The following EPHA7 variants were observed in gnomAD, a reference collection of about 807,000 sequenced individuals.
The protein encoded by EPHA7 is EPH receptor A7.
EPHA7 carries 25 observed loss-of-function variants against 112.6 expected under a neutral mutation model. The ratio of observed to expected loss-of-function variants is 0.22; its 90% confidence interval spans 0.16 to 0.31. EPHA7 has a LOEUF of 0.31. Ranked by LOEUF, EPHA7 falls within the 10% of genes least tolerant of loss-of-function variation. The pLI, the probability that EPHA7 is intolerant of heterozygous loss-of-function variation, is 1.00. For synonymous variants in EPHA7, 437 were observed against 406.5 expected (o/e 1.07, Z -0.90); for missense variants, 962 against 1,212.6 (o/e 0.79, Z 3.07).
intron 4 of EPHA7, 54 bp from the exon 5 acceptor site, chr6:93,357,106 A>G: frequency 7.2e-7 from 1 of 1,384,814 alleles, no homozygotes; most frequent in African/African-American, 1.4e-5. Flanking sequence ...AAAAAAACAT[A>G]CAAACAAAAA....
At chr6:93,310,562 G>A (rs547889095) in intron 5 of EPHA7, among the ~76,000 whole-genome samples, 2 of 151,982 alleles carry the variant, frequency 1.3e-5, no homozygotes, top group Non-Finnish European at 2.9e-5. Context: ...CTACTTGGGA[G>A]GCTGAGGCAG....
At chr6:93,385,290 A>G (rs181254612) in intron 3 of EPHA7, among the ~76,000 whole-genome samples, 26 of 152,246 alleles carry the variant, frequency 1.7e-4, no homozygotes, top group Admixed American at 1.0e-3. Flanking sequence ...ATGTGTACGC[A>G]TATGAATATA....
rs555490010 is a variant in EPHA7 at position 93,376,416 on chromosome 6, C to T, written c.833-18005G>A. 2.8e-3 allele frequency among the ~76,000 whole-genome samples: 428 copies of T among 152,232 alleles called. 2 individuals carry two copies. The highest frequency in any genetic ancestry group is 9.8e-3 in the African/African-American group (406 of 41,546). On this transcript the variant is annotated intron_variant, in intron 3 of 16. Transcript: ENST00000369303. ...TTGGCCTCTCAAAGTGCTGGAATTA[C>T]AGGCATAAGTCACCACGCCTGGTCC...
intron 3 of EPHA7, among the ~76,000 whole-genome samples, chr6:93,368,657 A>G: frequency 6.6e-6 from 1 of 152,158 alleles, no homozygotes. Flanking sequence ...ATCCACAGCT[A>G]AAAAGAAGAT....
intron 5 of EPHA7, among the ~76,000 whole-genome samples, chr6:93,275,193 C>A (rs1433991133): frequency 6.6e-6 from 1 of 151,452 alleles, no homozygotes; most frequent in African/African-American, 2.4e-5. Context: ...GCTTCAAGAA[C>A]CAATTTGGTG....
Position 93,411,171 on chromosome 6 carries a change from CTGT to C in EPHA7, c.163-4_163-2del, listed in dbSNP as rs1199861512. The C allele has an allele frequency of 6.3e-7, 1 of 1,597,076 alleles. No homozygotes were observed. The highest frequency in any genetic ancestry group is 8.5e-7 in the Non-Finnish European group (1 of 1,171,594). ...CATCCAAACCACTAATTTCTTCCCA[CTGT>C]AAAATTTGAAAAAAGGTCATCAGTC... On this transcript the variant is annotated splice_acceptor_variant and splice_polypyrimidine_tract_variant and intron_variant, in intron 2 of 16. Coordinates refer to ENST00000369303, the MANE Select transcript of EPHA7 (RefSeq NM_004440.4). LOFTEE classifies it high-confidence loss of function.
chr6:93,246,026 C>CT, intron 15 of EPHA7, among the ~76,000 whole-genome samples: 1 of 152,058 alleles, frequency 6.6e-6, no homozygotes, highest in East Asian at 1.9e-4. Context: ...GAGTACACCT[C>CT]TTTAATCATG....
intron 3 of EPHA7, among the ~76,000 whole-genome samples, chr6:93,400,740 G>A (rs1307959982): frequency 1.3e-5 from 2 of 151,910 alleles, no homozygotes; most frequent in Non-Finnish European, 2.9e-5. Context: ...GTCTCACTAC[G>A]TTGCTCAGGC....
At position 93,384,626 on chromosome 6, in the gene EPHA7, G is replaced by A. The variant is rs1777508857; in HGVS notation, c.832+25875C>T. Among the ~76,000 whole-genome samples, 4 of 152,202 alleles carry A rather than the reference G, an allele frequency of 2.6e-5. No homozygotes were observed. The South Asian group carries it at 8.3e-4, about 32-fold the overall frequency. On this transcript the variant is annotated intron_variant, in intron 3 of 16. Coordinates refer to ENST00000369303, the MANE Select transcript of EPHA7 (RefSeq NM_004440.4). ...CCCACTTTTGTTCATCATGCTCACT[G>A]TGCCTAGAAGTGCCCTCACAGGATC...
chr6:93,298,004 T>A (rs551364111), intron 5 of EPHA7, among the ~76,000 whole-genome samples: 1 of 152,272 alleles, frequency 6.6e-6, no homozygotes, highest in African/African-American at 2.4e-5. Context: ...AAGTATCATT[T>A]CAGAGATTCT....
intron 5 of EPHA7, among the ~76,000 whole-genome samples, chr6:93,330,168 A>G (rs1774522113): frequency 6.6e-6 from 1 of 151,280 alleles, no homozygotes; most frequent in South Asian, 2.1e-4. Flanking sequence ...ATTGACACAT[A>G]ATAATTTTAC....
Position 93,331,878 on chromosome 6 carries a change from T to C in EPHA7, c.1324+24839A>G, listed in dbSNP as rs185819839. Among the ~76,000 whole-genome samples, 29 of 151,776 alleles carry C rather than the reference T, an allele frequency of 1.9e-4. No individual in the cohort carries two copies. In the East Asian group the frequency reaches 5.6e-3, roughly 29 times the overall value. ...CATCCACAAGCAAAGGCTGAATTAA[T>C]AGGCTTTCATTATATAACTCTGCTT... On this transcript the variant is annotated intron_variant, in intron 5 of 16. Transcript: ENST00000369303.
intron 5 of EPHA7, among the ~76,000 whole-genome samples, chr6:93,274,409 AATTAC>A (rs1252684570): frequency 6.6e-6 from 1 of 151,916 alleles, no homozygotes; most frequent in Non-Finnish European, 1.5e-5. Context: ...TATACACTAA[AATTAC>A]ATTCATTATT....
intron 8 of EPHA7, among the ~76,000 whole-genome samples, 167 bp from the exon 9 acceptor site, chr6:93,264,082 A>C (rs989585104): frequency 4.2e-4 from 63 of 151,728 alleles, no homozygotes; most frequent in African/African-American, 1.5e-3. Flanking sequence ...AATTGCAAAG[A>C]AAACAAACTT....
At chr6:93,259,597 T>C (rs1379855864) in intron 9 of EPHA7, 118 bp from the exon 10 acceptor site, 4 of 1,207,472 alleles carry the variant, frequency 3.3e-6, no homozygotes, top group Non-Finnish European at 4.7e-6. Flanking sequence ...CCACATCACC[T>C]GATTCACAGC....
At chr6:93,417,262 T>C (rs1171742767) in intron 1 of EPHA7, among the ~76,000 whole-genome samples, 1 of 152,110 alleles carries the variant, frequency 6.6e-6, no homozygotes, top group African/African-American at 2.4e-5. Context: ...GCCCGGCACC[T>C]GCTTCAAGCG....
At chr6:93,261,795 T>C (rs370391076) in intron 9 of EPHA7, among the ~76,000 whole-genome samples, 1 of 151,506 alleles carries the variant, frequency 6.6e-6, no homozygotes, top group Non-Finnish European at 1.5e-5. Flanking sequence ...AAGTAAGGCA[T>C]GCAACTATAT....
At chr6:93,388,248 T>A (rs757353105) in intron 3 of EPHA7, among the ~76,000 whole-genome samples, 1 of 152,174 alleles carries the variant, frequency 6.6e-6, no homozygotes, top group Non-Finnish European at 1.5e-5. Context: ...CAATGACATT[T>A]CACCATAAGG....
intron 5 of EPHA7, among the ~76,000 whole-genome samples, chr6:93,304,580 A>C (rs945085119): frequency 4.6e-5 from 7 of 152,068 alleles, no homozygotes; most frequent in South Asian, 2.1e-4. Flanking sequence ...GGAAAGTAAG[A>C]AGTCAGTCCG....
Sources: allele counts gnomAD v4.1 joint callset (sites outside exome capture counted in the v4.1 genomes callset), GRCh38; gene constraint gnomAD v4.1.1; transcripts MANE v1.5; gene names NCBI Gene and HGNC (gene_info 2026-07-23, HGNC 2026-07-21).